SKAP1: variants seen among roughly 807,000 people sequenced by gnomAD.
SKAP1 encodes the protein src kinase-associated phosphoprotein 1.
Under a neutral mutation model 58.5 loss-of-function variants are expected in SKAP1, and 44 were observed. That is an observed-to-expected ratio of 0.75 (90% CI 0.59 to 0.97). The LOEUF is 0.97. Ranked by LOEUF, SKAP1 falls within the 50% of genes least tolerant of loss-of-function variation. The probability of loss-of-function intolerance (pLI) is 0.00; values close to 1 mark genes in which losing one functional copy is unlikely to be tolerated. For synonymous variants in SKAP1, 127 were observed against 149.7 expected (o/e 0.85, Z 1.11); for missense variants, 390 against 435.2 (o/e 0.90, Z 0.92).
chr17:48,286,570 G>A (rs538624672), intron 4 of SKAP1, among the ~76,000 whole-genome samples: 20 of 152,260 alleles, frequency 1.3e-4, no homozygotes, highest in East Asian at 9.7e-4. Flanking sequence ...AACTAGAAAA[G>A]CAAAAATAAA....
chr17:48,224,042 AGGAGGAGG>A (rs2065037082), intron 4 of SKAP1, among the ~76,000 whole-genome samples: 3 of 31,442 alleles, frequency 9.5e-5, no homozygotes, highest in African/African-American at 3.7e-4. Flanking sequence ...GAGAAGAAGG[AGGAGGAGG>A]AGGAGGAGGA....
intron 4 of SKAP1, among the ~76,000 whole-genome samples, chr17:48,301,521 C>T (rs1304040478): frequency 1.3e-5 from 2 of 152,036 alleles, no homozygotes; most frequent in Admixed American, 1.3e-4. Context: ...AGTGCAGTGG[C>T]GTGATCTCGG....
intron 4 of SKAP1, among the ~76,000 whole-genome samples, chr17:48,198,430 G>T (rs888189842): frequency 2.4e-5 from 3 of 125,178 alleles, no homozygotes; most frequent in African/African-American, 8.6e-5. Flanking sequence ...ACTCCAACCT[G>T]GGAGACACAG....
intron 3 of SKAP1, among the ~76,000 whole-genome samples, chr17:48,354,432 G>C (rs142796959): frequency 2.0e-5 from 3 of 152,326 alleles, no homozygotes; most frequent in African/African-American, 7.2e-5. Flanking sequence ...TAAATCTTAA[G>C]GGTAAGTGGT....
Position 48,137,332 on chromosome 17 carries a change from A to G in SKAP1, c.984T>C (p.Tyr328=). The change falls in exon 12 of 13, where the codon TAT becomes TAC. Residue 328 remains tyrosine, a synonymous_variant. Coordinates refer to ENST00000336915, the MANE Select transcript of SKAP1 (RefSeq NM_003726.4). ...CTCCCACCCACCAGCCATACATGTT[A>G]TACTCCTGAAAAGTGAAAAGAGGAT... ...GDLIRILSKE[Y]NMYGWWVGEL... is the part of the protein sequence containing the mutation. The G allele has an allele frequency of 3.1e-6, 5 of 1,610,848 alleles. No individual in the cohort carries two copies. Among genetic ancestry groups the G allele is most frequent in the Non-Finnish European group, 4.2e-6 (5 of 1,177,070 alleles).
intron 3 of SKAP1, among the ~76,000 whole-genome samples, chr17:48,351,306 AGAG>A (rs1281440500): frequency 2.0e-5 from 3 of 152,218 alleles, no homozygotes; most frequent in African/African-American, 7.2e-5. Flanking sequence ...AGAACATCCT[AGAG>A]GCTTCACCAA....
In SKAP1 at chr17:48,345,408, T is replaced by C. The variant is rs149874658; in HGVS notation, c.280+497A>G. Among the ~76,000 whole-genome samples the C allele has an allele frequency of 3.4e-3, 515 of 152,298 alleles. 4 individuals carry two copies. The highest frequency in any genetic ancestry group is 0.012 in the African/African-American group (480 of 41,562). Reference sequence around the variant, plus strand: ...GGTTCTTGTGGCTTTCCCTTCCCCTTGAGCAATACCAATATGGTCAGGGGT... The same window carrying C: ...GGTTCTTGTGGCTTTCCCTTCCCCTCGAGCAATACCAATATGGTCAGGGGT... On this transcript the variant is annotated intron_variant, in intron 4 of 12. Coordinates refer to ENST00000336915, the MANE Select transcript of SKAP1 (RefSeq NM_003726.4).
In SKAP1 at chr17:48,162,479, A is replaced by G; in HGVS notation, c.968T>C (p.Ile323Thr). 1 of 1,613,488 alleles carries G rather than the reference A, an allele frequency of 6.2e-7. No individual in the cohort carries two copies. Among genetic ancestry groups the G allele is most frequent in the Non-Finnish European group, 8.5e-7 (1 of 1,179,490 alleles). ...LSFQRGDLIRILSKEYNMYGW... is the reference protein window; with the variant it reads ...LSFQRGDLIRTLSKEYNMYGW... ...ACTTTCTGTCCTTACCTTGCTCAGA[A>G]TACGGATGAGGTCACCCCGTTGGAA... The change falls in exon 11 of 13, where the codon ATT (isoleucine) becomes ACT (threonine). Residue 323 changes from isoleucine to threonine, a missense_variant. Transcript: ENST00000336915.
chr17:48,274,551 C>T (rs1211478360), intron 4 of SKAP1, among the ~76,000 whole-genome samples: 2 of 152,006 alleles, frequency 1.3e-5, no homozygotes, highest in Admixed American at 6.6e-5. Flanking sequence ...ACAAAATTAG[C>T]CAGGTGTGGT....
intron 4 of SKAP1, among the ~76,000 whole-genome samples, chr17:48,331,932 T>C (rs534893167): frequency 1.3e-5 from 2 of 152,304 alleles, no homozygotes; most frequent in South Asian, 4.1e-4. Flanking sequence ...AAACTTTAAT[T>C]GTGAATTTTT....
chr17:48,244,860 T>G (rs937301746), intron 4 of SKAP1, among the ~76,000 whole-genome samples: 3 of 152,260 alleles, frequency 2.0e-5, no homozygotes, highest in African/African-American at 7.2e-5. Context: ...TGGGCTTTCA[T>G]TCTTTCTTCT....
chr17:48,353,213 C>A (rs1471021484), intron 3 of SKAP1, among the ~76,000 whole-genome samples: 2 of 152,246 alleles, frequency 1.3e-5, no homozygotes, highest in African/African-American at 4.8e-5. Flanking sequence ...AGAACAGCCA[C>A]CTCAGGCTTA....
intron 4 of SKAP1, among the ~76,000 whole-genome samples, chr17:48,270,363 C>T (rs530782415): frequency 2.6e-5 from 4 of 151,582 alleles, no homozygotes; most frequent in East Asian, 1.9e-4. Context: ...TTTATTTTTG[C>T]GACAGAGTCT....
chr17:48,183,739 C>T (rs1348321905), intron 7 of SKAP1, among the ~76,000 whole-genome samples: 1 of 151,924 alleles, frequency 6.6e-6, no homozygotes, highest in African/African-American at 2.4e-5. Context: ...ATAAAAGACT[C>T]TATAGAAAAG....
the SKAP1 span, among the ~76,000 whole-genome samples, chr17:48,437,831 G>A: frequency 1.3e-5 from 2 of 150,692 alleles, no homozygotes; most frequent in Non-Finnish European, 2.9e-5. Context: ...AGTCATCTTC[G>A]ACCCTTCCTC....
intron 4 of SKAP1, among the ~76,000 whole-genome samples, chr17:48,252,919 C>T (rs1159128926): frequency 2.6e-5 from 4 of 152,088 alleles, no homozygotes; most frequent in African/African-American, 4.8e-5. Context: ...GAACTTCTCT[C>T]GGGTTTAATG....
chr17:48,277,656 T>C (rs1296464306), intron 4 of SKAP1, among the ~76,000 whole-genome samples: 1 of 152,116 alleles, frequency 6.6e-6, no homozygotes, highest in Non-Finnish European at 1.5e-5. Context: ...TCAATGAAAA[T>C]AAAAAGGTGT....
intron 2 of SKAP1, among the ~76,000 whole-genome samples, chr17:48,376,501 C>A (rs543429227): frequency 9.2e-5 from 14 of 152,298 alleles, no homozygotes; most frequent in East Asian, 1.9e-4. Flanking sequence ...GGCTATCATG[C>A]CTTTGATATT....
In SKAP1 at chr17:48,289,693, G is replaced by T. The variant is rs958123562; in HGVS notation, c.280+56212C>A. ...AAGTACAAGGAAAAAAGAAATATTA[G>T]CCCTATTATGTTGTAATCTGTAGTC... On this transcript the variant is annotated intron_variant, in intron 4 of 12. Transcript: ENST00000336915. Among the ~76,000 whole-genome samples, 4 of 151,976 alleles carry T rather than the reference G, an allele frequency of 2.6e-5. No homozygotes were observed. The South Asian group carries it at 8.3e-4, about 31-fold the overall frequency.
Sources: allele counts gnomAD v4.1 joint callset (sites outside exome capture counted in the v4.1 genomes callset), GRCh38; gene constraint gnomAD v4.1.1; transcripts MANE v1.5; gene names NCBI Gene and HGNC (gene_info 2026-07-23, HGNC 2026-07-21).